ASB18: variants seen among roughly 807,000 people sequenced by gnomAD.
ASB18 encodes the protein ankyrin repeat and SOCS box protein 18.
Under a neutral mutation model 33.4 loss-of-function variants are expected in ASB18, and 33 were observed. The ratio of observed to expected loss-of-function variants is 0.99; its 90% CI spans 0.75 to 1.32. The LOEUF (loss-of-function observed/expected upper bound fraction) is 1.32. Among genes scored for constraint, ASB18 ranks in the 40% most tolerant of loss-of-function variants. The probability of loss-of-function intolerance (pLI) is 0.00; values close to 1 mark genes in which losing one functional copy is unlikely to be tolerated. For synonymous variants in ASB18, 295 were observed against 307.6 expected, an observed-to-expected ratio of 0.96 and a Z score of 0.43; for missense variants, 694 against 655.5, an observed-to-expected ratio of 1.06 and a Z score of -0.64.
rs1158398433 is a variant in ASB18, at chr2:236,196,452, G to C, written c.1102-67C>G. ...TTCTGGGTCTCAGTGGGGAAAGGGT[G>C]GGGGGTGTGGGGGGATGCTCTCCCT... On this transcript the variant is annotated intron_variant, in intron 4 of 5. Transcript: ENST00000409749. This position sits in a 1 kb window ranked among gnomAD's most constrained non-coding sequence, Gnocchi z 5.6. The C allele has an allele frequency of 4.9e-6, 4 of 813,818 alleles. No homozygotes were observed. In the East Asian group the frequency reaches 8.0e-5, roughly 16 times the overall value. The allele number at this position is 813,818 out of a possible 1,614,324, so 50.4% of individuals were successfully genotyped here.
In ASB18 at chr2:236,235,698, T is replaced by C. The variant is rs992308885; in HGVS notation, c.596+1991A>G. Among the ~76,000 whole-genome samples the C allele has an allele frequency of 1.3e-5, 2 of 152,140 alleles. No homozygotes were observed. Among genetic ancestry groups the C allele is most frequent in the Non-Finnish European group, 2.9e-5 (2 of 68,016 alleles). On this transcript the variant is annotated intron_variant, in intron 3 of 5. Coordinates refer to ENST00000409749, the MANE Select transcript of ASB18 (RefSeq NM_212556.4). This position sits in a 1 kb window ranked among gnomAD's most constrained non-coding sequence, Gnocchi z 6.2. Reference sequence around the variant, plus strand: ...ACAACTTTCAAAACTAGTTGGGCCATTTATTAGTTATTGTTATTATTATTT... The same window carrying C: ...ACAACTTTCAAAACTAGTTGGGCCACTTATTAGTTATTGTTATTATTATTT...
rs1266458291 is a variant in ASB18, at chr2:236,241,091, A to G, written c.328+189T>C. Among the ~76,000 whole-genome samples the G allele has an allele frequency of 6.6e-6, 1 of 152,170 alleles. No homozygotes were observed. The highest frequency in any genetic ancestry group is 1.5e-5 in the Non-Finnish European group (1 of 68,020). ...CACCAATCGCTGCTTTGCCTTTCCA[A>G]CTGGATCTCTTATAGGCCATCACCT... is the stretch of plus-strand genomic sequence containing the variant. On this transcript the variant is annotated intron_variant, in intron 2 of 5. Transcript: ENST00000409749. The surrounding 1 kb of genome is among the most constrained non-coding windows in gnomAD (Gnocchi z 4.2).
At position 236,260,474 on chromosome 2, in the gene ASB18, A is replaced by G. The variant is rs1187935244; in HGVS notation, c.205+3667T>C. Among the ~76,000 whole-genome samples the G allele has an allele frequency of 1.3e-5, 2 of 151,950 alleles. No individual in the cohort carries two copies. The highest frequency in any genetic ancestry group is 4.9e-5 in the African/African-American group (2 of 41,226). On this transcript the variant is annotated intron_variant, in intron 1 of 5. Transcript: ENST00000409749. This position sits in a 1 kb window ranked among gnomAD's most constrained non-coding sequence, Gnocchi z 5.1. ...ACTGTTCAAAAATTGTAAAGACCCT[A>G]CATGTAGCTTAGAATCCAAACAGCT...
chr2:236,195,935 G>C lies in ASB18; in HGVS notation c.1215+337C>G. The C allele has an allele frequency of 2.8e-6, 1 of 357,590 alleles. No homozygotes were observed. The highest frequency in any genetic ancestry group is 5.4e-6 in the Non-Finnish European group (1 of 185,084). The allele number at this position is 357,590 out of a possible 1,614,324, so 22.2% of individuals were successfully genotyped here. A position where few individuals can be genotyped will look rare whatever the true frequency, so the allele number is the denominator to read the frequency against. On this transcript the variant is annotated intron_variant, in intron 5 of 5. Transcript: ENST00000409749. The surrounding 1 kb of genome is among the most constrained non-coding windows in gnomAD (Gnocchi z 5.5). ...GAGCATGAAGCTGACTCACAGGGCCGGATTAGTATGTCCTGACGTGGAGCT... is the reference window on the plus strand; with the variant it reads ...GAGCATGAAGCTGACTCACAGGGCCCGATTAGTATGTCCTGACGTGGAGCT...
chr2:236,232,442 A>G (rs1448435591), intron 3 of ASB18, among the ~76,000 whole-genome samples: 3 of 152,098 alleles, frequency 2.0e-5, no homozygotes, highest in Non-Finnish European at 4.4e-5. Flanking sequence ...AAGAAACTAG[A>G]AAAGAAGAGC....
rs376021566 is a variant in ASB18 at position 236,195,099 on chromosome 2, A to T, written c.1216-42T>A. On this transcript the variant is annotated intron_variant, in intron 5 of 5. Coordinates refer to ENST00000409749, the MANE Select transcript of ASB18 (RefSeq NM_212556.4). The surrounding 1 kb of genome is among the most constrained non-coding windows in gnomAD (Gnocchi z 5.5). Reference sequence around the variant, plus strand: ...GTGGATTAGAAATCTGGGCACGTGGAACCAACATACGTTTTCTTCTTAGCC... The same window carrying T: ...GTGGATTAGAAATCTGGGCACGTGGTACCAACATACGTTTTCTTCTTAGCC... 29 of 1,566,392 alleles carry T rather than the reference A, an allele frequency of 1.9e-5. No individual in the cohort carries two copies. Among genetic ancestry groups the T allele is most frequent in the Non-Finnish European group, 2.3e-5 (26 of 1,148,822 alleles).
Position 236,229,505 on chromosome 2 carries a change from C to T in ASB18, c.596+8184G>A, listed in dbSNP as rs1439649850. ...CCAAATTGGATGAAAAGCATATAAA[C>T]CCACAGATCCAAGATACTCAATGAA... On this transcript the variant is annotated intron_variant, in intron 3 of 5. Transcript: ENST00000409749. The surrounding 1 kb of genome is among the most constrained non-coding windows in gnomAD (Gnocchi z 5.2). 6.6e-6 allele frequency among the ~76,000 whole-genome samples: 1 copy of T among 152,000 alleles called. No homozygotes were observed. Among genetic ancestry groups the T allele is most frequent in the Non-Finnish European group, 1.5e-5 (1 of 68,004 alleles).
rs566902931 is a variant in ASB18 at position 236,225,490 on chromosome 2, G to A, written c.597-10624C>T. Among the ~76,000 whole-genome samples, 6 of 152,256 alleles carry A rather than the reference G, an allele frequency of 3.9e-5. No individual in the cohort carries two copies. Among genetic ancestry groups the A allele is most frequent in the South Asian group, 2.1e-4 (1 of 4,826 alleles). The stretch of plus-strand genomic sequence containing the variant: ...TGCATGCTTTTCATTAATAAATTCC[G>A]TGAGGAAAGCAAGTCATTCTCACTT... On this transcript the variant is annotated intron_variant, in intron 3 of 5. Coordinates refer to ENST00000409749, the MANE Select transcript of ASB18 (RefSeq NM_212556.4). The surrounding 1 kb of genome is among the most constrained non-coding windows in gnomAD (Gnocchi z 5.1).
Position 236,252,148 on chromosome 2 carries a change from G to A in ASB18, c.206-10746C>T, listed in dbSNP as rs773034316. The stretch of plus-strand genomic sequence containing the variant: ...CAGCTGAGGGTGGTGGTGTGCGGCT[G>A]CAGTCCCAGCTATTCAGGAGGCTGA... On this transcript the variant is annotated intron_variant, in intron 1 of 5. Transcript: ENST00000409749. This position sits in a 1 kb window ranked among gnomAD's most constrained non-coding sequence, Gnocchi z 7.9. Among the ~76,000 whole-genome samples the A allele has an allele frequency of 1.3e-5, 2 of 152,104 alleles. No homozygotes were observed. Among genetic ancestry groups the A allele is most frequent in the African/African-American group, 2.4e-5 (1 of 41,406 alleles).
intron 3 of ASB18, among the ~76,000 whole-genome samples, chr2:236,224,663 G>A (rs906686626): frequency 3.5e-4 from 53 of 152,326 alleles, no homozygotes; most frequent in African/African-American, 1.2e-3. Flanking sequence ...CAACCTTACT[G>A]GCATAACACG....
chr2:236,214,644 C>G lies in ASB18; in HGVS notation c.819G>C (p.Leu273=). Residue 273 remains leucine (L), a synonymous_variant, in exon 4 of 6, where the codon CTG becomes CTC. Coordinates refer to ENST00000409749, the MANE Select transcript of ASB18 (RefSeq NM_212556.4). This position sits in a 1 kb window ranked among gnomAD's most constrained non-coding sequence, Gnocchi z 6.5. The part of the protein sequence containing the change: ...ARRPDEHGRC[L]RLCALLLRRG... ...GCCGCAGCAGCAGCGCGCACAGGCG[C>G]AGGCAGCGCCCGTGCTCGTCGGGCC... The G allele has an allele frequency of 8.6e-7, 1 of 1,164,706 alleles. No homozygotes were observed. The highest frequency in any genetic ancestry group is 1.1e-6 in the Non-Finnish European group (1 of 946,480). 72.1% of individuals were successfully genotyped at this position (1,164,706 alleles called of 1,614,324 possible).
At position 236,259,674 on chromosome 2, in the gene ASB18, C is replaced by A; in HGVS notation, c.205+4467G>T. The A allele has an allele frequency of 2.2e-6, 1 of 448,288 alleles. No individual in the cohort carries two copies. Among genetic ancestry groups the A allele is most frequent in the South Asian group, 1.6e-5 (1 of 62,022 alleles). The allele number at this position is 448,288 out of a possible 1,614,324, so 27.8% of individuals were successfully genotyped here. A position where few individuals can be genotyped will look rare whatever the true frequency, so the allele number is the denominator to read the frequency against. On this transcript the variant is annotated intron_variant, in intron 1 of 5. Coordinates refer to ENST00000409749, the MANE Select transcript of ASB18 (RefSeq NM_212556.4). This position sits in a 1 kb window ranked among gnomAD's most constrained non-coding sequence, Gnocchi z 4.4. ...GATGCTGACTGTAGAGCGTGGGGGGCTCAGCCTCAGTGAGCCCAGCAGGAT... is the reference window on the plus strand; with the variant it reads ...GATGCTGACTGTAGAGCGTGGGGGGATCAGCCTCAGTGAGCCCAGCAGGAT...
At position 236,220,876 on chromosome 2, in the gene ASB18, G is replaced by T. The variant is rs2060507764; in HGVS notation, c.597-6010C>A. Among the ~76,000 whole-genome samples, 1 of 152,124 alleles carries T rather than the reference G, an allele frequency of 6.6e-6. No homozygotes were observed. Among genetic ancestry groups the T allele is most frequent in the Non-Finnish European group, 1.5e-5 (1 of 68,036 alleles). On this transcript the variant is annotated intron_variant, in intron 3 of 5. Transcript: ENST00000409749. The surrounding 1 kb of genome is among the most constrained non-coding windows in gnomAD (Gnocchi z 5.1). ...TGTGCCATGCTCCTTTCGAGGTAAG[G>T]AGAAGTGTTTCTCCTCTTATCACTC...
chr2:236,221,224 GCAACAA>G lies in ASB18; in HGVS notation c.597-6364_597-6359del, dbSNP rs111994715. ...CAAAAGATGATGCTGACTGAGCAAT[GCAACAA>G]CAACAACAACAACAACAAACAGCTG... On this transcript the variant is annotated intron_variant, in intron 3 of 5. Transcript: ENST00000409749. This position sits in a 1 kb window ranked among gnomAD's most constrained non-coding sequence, Gnocchi z 5.6. Among the ~76,000 whole-genome samples, 54,354 of 146,444 alleles carry G rather than the reference GCAACAA, an allele frequency of 0.37. 9,870 individuals are homozygous for G. Among genetic ancestry groups the G allele is most frequent in the African/African-American group, 0.49 (17,891 of 36,472 alleles).
rs1200100560 is a variant in ASB18, at chr2:236,211,085, C to A, written c.1101+3277G>T. On this transcript the variant is annotated intron_variant, in intron 4 of 5. Transcript: ENST00000409749. This position sits in a 1 kb window ranked among gnomAD's most constrained non-coding sequence, Gnocchi z 5.0. Reference sequence around the variant, plus strand: ...GAGACCCCTGAGCACAGCCTTTTATCCAGACCAAGCATCCAGCCCAAAAAG... The same window carrying A: ...GAGACCCCTGAGCACAGCCTTTTATACAGACCAAGCATCCAGCCCAAAAAG... 6.6e-6 allele frequency among the ~76,000 whole-genome samples: 1 copy of A among 152,192 alleles called. No homozygotes were observed. Among genetic ancestry groups the A allele is most frequent in the African/African-American group, 2.4e-5 (1 of 41,448 alleles).
chr2:236,242,537 C>T (rs1224609388), intron 1 of ASB18, among the ~76,000 whole-genome samples: 1 of 152,180 alleles, frequency 6.6e-6, no homozygotes, highest in African/African-American at 2.4e-5. Flanking sequence ...TCACTGCACC[C>T]TCCACCTCCT....
intron 1 of ASB18, among the ~76,000 whole-genome samples, chr2:236,242,355 CGG>C (rs2060625059): frequency 2.6e-5 from 4 of 152,146 alleles, no homozygotes; most frequent in African/African-American, 9.7e-5. Flanking sequence ...CAAGCGAAGG[CGG>C]TGCCAGGTAG....
Position 236,262,443 on chromosome 2 carries a change from C to T in ASB18, c.205+1698G>A, listed in dbSNP as rs1233767555. 6.6e-6 allele frequency among the ~76,000 whole-genome samples: 1 copy of T among 152,182 alleles called. No individual in the cohort carries two copies. The highest frequency in any genetic ancestry group is 1.5e-5 in the Non-Finnish European group (1 of 68,030). ...GCTGCTGGGCAGGAGCCAAGCCTTC[C>T]ACAGAAGGAGGCTGCTAAACCCAGC... On this transcript the variant is annotated intron_variant, in intron 1 of 5. Coordinates refer to ENST00000409749, the MANE Select transcript of ASB18 (RefSeq NM_212556.4). The surrounding 1 kb of genome is among the most constrained non-coding windows in gnomAD (Gnocchi z 5.2).
In ASB18 at chr2:236,214,765, T is replaced by C; in HGVS notation, c.698A>G (p.Glu233Gly). 1 of 1,184,924 alleles carries C rather than the reference T, an allele frequency of 8.4e-7. No homozygotes were observed. The highest frequency in any genetic ancestry group is 1.0e-6 in the Non-Finnish European group (1 of 958,104). 73.4% of individuals were successfully genotyped at this position (1,184,924 alleles called of 1,614,324 possible). The change falls in exon 4 of 6, where the codon GAG (glutamate) becomes GGG (glycine). Residue 233 changes from glutamate to glycine, a missense_variant. Glu to Gly is a moderately conservative substitution (Grantham distance 98). Coordinates refer to ENST00000409749, the MANE Select transcript of ASB18 (RefSeq NM_212556.4). The surrounding 1 kb of genome is among the most constrained non-coding windows in gnomAD (Gnocchi z 6.5). ...GCGGCCCAGGTACAGGCGCGCGTGC[T>C]CGTCCAGGCCGCGCTGCGCCGCCAC... ...LHVAAQRGLD[E>G]HARLYLGRGA...
Sources: gnomAD v4.1 joint callset for allele counts (sites outside exome capture counted in the v4.1 genomes callset) on GRCh38, gnomAD v4.1.1 for gene constraint, Gnocchi (gnomAD v3.1) non-coding constraint, MANE v1.5 for transcripts, NCBI Gene and HGNC (gene_info 2026-07-23, HGNC 2026-07-21) for gene names.